CPB2: variants seen among roughly 807,000 people sequenced by gnomAD.
CPB2 encodes the protein carboxypeptidase B2, also known as carboxypeptidase B-like protein.
In CPB2, 54 loss-of-function variants were observed where a neutral mutation model predicts 57.0. The ratio of observed to expected loss-of-function variants is 0.95; its 90% CI spans 0.76 to 1.19. CPB2 has a LOEUF of 1.19. CPB2 is among the 50% of genes most tolerant of loss of function. The pLI, the probability that CPB2 is intolerant of heterozygous loss-of-function variation, is 0.00. For missense variants in CPB2, 426 were observed against 512.0 expected, an observed-to-expected ratio of 0.83 and a Z score of 1.62; for synonymous variants, 189 against 178.1, an observed-to-expected ratio of 1.06 and a Z score of -0.49.
Position 46,067,395 on chromosome 13 carries a change from A to T in CPB2, c.614T>A (p.Ile205Lys). ...IGHITQFYGI[I>K]GQYTNLLRLV... Reference sequence around the variant, plus strand: ...CCTCAGGAGATTGGTATATTGCCCTATTATCCCATAGAATTGAGTTATCTG... The same window carrying T: ...CCTCAGGAGATTGGTATATTGCCCTTTTATCCCATAGAATTGAGTTATCTG... The change falls in exon 7 of 11, where the codon ATA (isoleucine) becomes AAA (lysine). Residue 205 changes from isoleucine (I) to lysine (K), a missense_variant. By Grantham distance (102) the Ile-to-Lys change is moderately radical (BLOSUM62 -3). Coordinates refer to ENST00000181383, the MANE Select transcript of CPB2 (RefSeq NM_001872.5). 6.3e-7 allele frequency: 1 copy of T among 1,578,608 alleles called. No individual in the cohort carries two copies. The highest frequency in any genetic ancestry group is 8.7e-7 in the Non-Finnish European group (1 of 1,148,932).
intron 6 of CPB2, among the ~76,000 whole-genome samples, chr13:46,069,297 G>A (rs17844088): frequency 8.5e-4 from 129 of 152,290 alleles, no homozygotes; most frequent in Admixed American, 4.7e-3. Context: ...CTACAATCCC[G>A]AAGGAAGGGG....
At chr13:46,084,444 A>G (rs2045168981) in intron 2 of CPB2, 101 bp from the exon 3 acceptor site, 1 of 1,259,588 alleles carries the variant, frequency 7.9e-7, no homozygotes, top group Non-Finnish European at 1.1e-6. Flanking sequence ...AAGGAGTATG[A>G]AAAGGACACT....
chr13:46,094,725 C>G (rs150683845), intron 1 of CPB2: 5 of 152,164 alleles, frequency 3.3e-5, no homozygotes, highest in African/African-American at 9.6e-5. Flanking sequence ...TTCTTAGGGG[C>G]AAGATAGAGA....
chr13:46,101,634 T>A (rs958874475), intron 1 of CPB2, among the ~76,000 whole-genome samples: 1 of 152,096 alleles, frequency 6.6e-6, no homozygotes, highest in East Asian at 1.9e-4. Flanking sequence ...ACTTACACAA[T>A]AACCACTTGA....
intron 1 of CPB2, among the ~76,000 whole-genome samples, chr13:46,101,983 C>A (rs1335991880): frequency 1.1e-4 from 17 of 152,170 alleles, no homozygotes; most frequent in Admixed American, 1.1e-3. Flanking sequence ...TGGAACATAG[C>A]CCAAGGCTGC....
intron 7 of CPB2, among the ~76,000 whole-genome samples, chr13:46,064,965 C>G (rs974943972): frequency 3.3e-5 from 5 of 152,190 alleles, no homozygotes; most frequent in Non-Finnish European, 1.5e-5. Context: ...TTGAACCAAA[C>G]ATAATGGTAA....
rs1168698336 is a variant in CPB2, at chr13:46,053,358, G to T, written c.*256C>A. The T allele has an allele frequency of 3.5e-5, 12 of 346,566 alleles. No individual in the cohort carries two copies. Among genetic ancestry groups the T allele is most frequent in the Non-Finnish European group, 5.1e-5 (10 of 196,740 alleles). The allele number at this position is 346,566 out of a possible 1,614,324, so 21.5% of individuals were successfully genotyped here. On this transcript the variant is annotated 3_prime_UTR_variant, in exon 11 of 11. Coordinates refer to ENST00000181383, the MANE Select transcript of CPB2 (RefSeq NM_001872.5). ...CAAACGTCGAAACTTGCTTGAGATG[G>T]CTAGTCAAACGTCGAAAATCAAAGA...
At chr13:46,100,938 A>G (rs1465675884) in intron 1 of CPB2, 6 of 150,852 alleles carry the variant, frequency 4.0e-5, no homozygotes, top group African/African-American at 1.5e-4. Context: ...GAAAAAGACT[A>G]ACAAGAAAAA....
At chr13:46,082,900 C>T (rs2045141486) in intron 3 of CPB2, among the ~76,000 whole-genome samples, 1 of 151,928 alleles carries the variant, frequency 6.6e-6, no homozygotes, top group African/African-American at 2.4e-5. Context: ...TCCAGACTAA[C>T]ACTGTATTAT....
intron 5 of CPB2, among the ~76,000 whole-genome samples, chr13:46,076,104 G>A (rs1473376221): frequency 3.3e-5 from 5 of 152,136 alleles, no homozygotes; most frequent in Non-Finnish European, 7.3e-5. Flanking sequence ...TGTTGTCCTG[G>A]TCTTACTTTA....
At chr13:46,100,078 T>A (rs878942618) in intron 1 of CPB2, 1 of 149,334 alleles carries the variant, frequency 6.7e-6, no homozygotes. Flanking sequence ...AGTATTAAAT[T>A]AAAAAAAAAC....
chr13:46,095,025 G>A (rs972110772), intron 1 of CPB2: 1 of 152,138 alleles, frequency 6.6e-6, no homozygotes, highest in African/African-American at 2.4e-5. Context: ...CCTGGGGAAA[G>A]GGTAATACTC....
chr13:46,061,976 C>CT (rs1173740630), intron 8 of CPB2, among the ~76,000 whole-genome samples: 4 of 150,422 alleles, frequency 2.7e-5, no homozygotes, highest in African/African-American at 7.3e-5. Flanking sequence ...AGAATAGATA[C>CT]TGGAACAGTT....
At chr13:46,063,878 ATAT>A (rs2044812776) in intron 8 of CPB2, among the ~76,000 whole-genome samples, 1 of 151,398 alleles carries the variant, frequency 6.6e-6, no homozygotes, top group South Asian at 2.1e-4. Flanking sequence ...TATTTTCTTT[ATAT>A]TATTTATTAA....
At chr13:46,100,663 A>C (rs1230321880) in intron 1 of CPB2, 1 of 152,216 alleles carries the variant, frequency 6.6e-6, no homozygotes, top group Non-Finnish European at 1.5e-5. Context: ...TCTCCTGATA[A>C]AGCTAAACCT....
At chr13:46,081,845 C>T (rs1213871992) in intron 4 of CPB2, among the ~76,000 whole-genome samples, 1 of 152,180 alleles carries the variant, frequency 6.6e-6, no homozygotes, top group Non-Finnish European at 1.5e-5. Context: ...TATGTGAAAG[C>T]TTGCTGAGGT....
Position 46,073,878 on chromosome 13 carries a change from C to A in CPB2, c.586G>T (p.Gly196Cys). The change falls in exon 6 of 11, where the codon GGC becomes TGC. Residue 196 changes from glycine to cysteine, a missense_variant. Coordinates refer to ENST00000181383, the MANE Select transcript of CPB2 (RefSeq NM_001872.5). ...ISPAFCLWFI[G>C]HITQFYGIIG... ...AAGAGAATGTGAATACTTACATGGC[C>A]TATGAACCACAAGCAGAAAGCAGGA... 6.4e-7 allele frequency: 1 copy of A among 1,558,432 alleles called. No homozygotes were observed. The highest frequency in any genetic ancestry group is 1.2e-5 in the South Asian group (1 of 85,380).
At chr13:46,059,616 C>G (rs1318936524) in intron 8 of CPB2, among the ~76,000 whole-genome samples, 1 of 116,816 alleles carries the variant, frequency 8.6e-6, no homozygotes, top group Non-Finnish European at 1.8e-5. Flanking sequence ...TCATCATCAT[C>G]ATCATGTGGA....
chr13:46,062,501 G>A (rs2044789945), intron 8 of CPB2, among the ~76,000 whole-genome samples: 1 of 152,122 alleles, frequency 6.6e-6, no homozygotes, highest in Non-Finnish European at 1.5e-5. Context: ...TGAGCCCCTG[G>A]CATGTTATTA....
Sources: allele counts gnomAD v4.1 joint callset (sites outside exome capture counted in the v4.1 genomes callset), GRCh38; gene constraint gnomAD v4.1.1; transcripts MANE v1.5; gene names NCBI Gene and HGNC (gene_info 2026-07-23, HGNC 2026-07-21).